The following UQCC1 variants were observed in gnomAD, a reference collection of about 807,000 sequenced individuals.
UQCC1 encodes the protein ubiquinol-cytochrome c reductase complex assembly factor 1, also known as bFGF-repressed Zic-binding protein.
Under a neutral mutation model 48.0 loss-of-function variants are expected in UQCC1, and 38 were observed. That is an observed-to-expected ratio of 0.79 (90% CI 0.61 to 1.04). UQCC1 has a LOEUF of 1.04. Among genes scored for constraint, UQCC1 ranks in the 50% least tolerant of loss-of-function variants. The pLI, the probability that UQCC1 is intolerant of heterozygous loss-of-function variation, is 0.00. For synonymous variants in UQCC1, 111 were observed against 129.2 expected, an observed-to-expected ratio of 0.86 and a Z score of 0.95; for missense variants, 368 against 381.8, an observed-to-expected ratio of 0.96 and a Z score of 0.30.
At chr20:35,389,298 G>A (rs1355740957) in intron 2 of UQCC1, among the ~76,000 whole-genome samples, 2 of 152,152 alleles carry the variant, frequency 1.3e-5, no homozygotes, top group East Asian at 3.9e-4. Context: ...TATAAGCCGG[G>A]TGCTTATAAT....
At chr20:35,361,724 TTC>T (rs1359528677) in intron 6 of UQCC1, among the ~76,000 whole-genome samples, 1 of 152,204 alleles carries the variant, frequency 6.6e-6, no homozygotes, top group Non-Finnish European at 1.5e-5. Flanking sequence ...TTTGGGAAAG[TTC>T]TCTGACTTCT....
chr20:35,309,707 G>C (rs986838427), intron 8 of UQCC1, among the ~76,000 whole-genome samples: 1 of 152,188 alleles, frequency 6.6e-6, no homozygotes, highest in South Asian at 2.1e-4. Context: ...TAGAGTAACT[G>C]AGAGGAAGCC....
chr20:35,376,468 A>C (rs1378353884), intron 4 of UQCC1, among the ~76,000 whole-genome samples: 1 of 152,242 alleles, frequency 6.6e-6, no homozygotes, highest in Non-Finnish European at 1.5e-5. Flanking sequence ...CCTATGAACA[A>C]CTTTACTCCA....
intron 7 of UQCC1, among the ~76,000 whole-genome samples, chr20:35,327,972 GC>G (rs1426602123): frequency 6.8e-6 from 1 of 147,628 alleles, no homozygotes; most frequent in Non-Finnish European, 1.5e-5. Flanking sequence ...CTGCAATCCA[GC>G]CGGGGCAACA....
chr20:35,388,958 C>T (rs1424009693), intron 2 of UQCC1, among the ~76,000 whole-genome samples: 7 of 151,788 alleles, frequency 4.6e-5, no homozygotes, highest in African/African-American at 1.7e-4. Context: ...CCCAGCTACT[C>T]GGGAGGCTGA....
chr20:35,305,985 A>C (rs2060924167), intron 9 of UQCC1, among the ~76,000 whole-genome samples: 1 of 152,206 alleles, frequency 6.6e-6, no homozygotes, highest in African/African-American at 2.4e-5. Context: ...CTTCGCTGCC[A>C]GTCAGCTCAC....
chr20:35,335,108 C>G (rs960101808), intron 7 of UQCC1, among the ~76,000 whole-genome samples: 2 of 152,130 alleles, frequency 1.3e-5, no homozygotes, highest in African/African-American at 4.8e-5. Context: ...TTCATTATAA[C>G]TAACACATAT....
rs549131703 is a variant in UQCC1 at position 35,302,612 on chromosome 20, G to A, written c.*1323C>T. The A allele has an allele frequency of 7.2e-5, 11 of 152,316 alleles. No individual in the cohort carries two copies. Among genetic ancestry groups the A allele is most frequent in the Admixed American group, 2.0e-4 (3 of 15,298 alleles). 9.4% of individuals were successfully genotyped at this position (152,316 alleles called of 1,614,324 possible). A position where few individuals can be genotyped will look rare whatever the true frequency, so the allele number is the denominator to read the frequency against. ...CACAGTAAAGTTTATTTTGGTGCAT[G>A]GTATACTTCACTCCATTAAAAATAA... On this transcript the variant is annotated 3_prime_UTR_variant, in exon 10 of 10. Transcript: ENST00000374385.
chr20:35,411,923 A>G lies in UQCC1; in HGVS notation c.24+17T>C. On this transcript the variant is annotated intron_variant, in intron 1 of 9. Coordinates refer to ENST00000374385, the MANE Select transcript of UQCC1 (RefSeq NM_018244.5). Reference sequence around the variant, plus strand: ...GGGACCCAGAGAGCTACCGTAGAAAATTACTCCTTCACTCACAAGGACTCG... The same window carrying G: ...GGGACCCAGAGAGCTACCGTAGAAAGTTACTCCTTCACTCACAAGGACTCG... 6.2e-7 allele frequency: 1 copy of G among 1,614,114 alleles called. No individual in the cohort carries two copies. Among genetic ancestry groups the G allele is most frequent in the Non-Finnish European group, 8.5e-7 (1 of 1,180,012 alleles).
At chr20:35,350,502 A>G (rs1433896860) in intron 6 of UQCC1, among the ~76,000 whole-genome samples, 17 of 143,198 alleles carry the variant, frequency 1.2e-4, no homozygotes, top group East Asian at 8.7e-4. Flanking sequence ...TTCGAGACCA[A>G]CCTGTCCAAC....
At chr20:35,345,515 T>C (rs987473227) in intron 7 of UQCC1, 8 of 152,132 alleles carry the variant, frequency 5.3e-5, no homozygotes, top group Non-Finnish European at 1.0e-4. Context: ...TTTTTCTCTA[T>C]ATTACACAGC....
chr20:35,372,184 T>C (rs921616232), intron 5 of UQCC1, among the ~76,000 whole-genome samples: 4 of 151,838 alleles, frequency 2.6e-5, no homozygotes, highest in African/African-American at 4.8e-5. Flanking sequence ...TGGTAGCACA[T>C]GCCTGTAATC....
chr20:35,367,092 T>TAAAAAAAAAA (rs72469122), intron 5 of UQCC1, among the ~76,000 whole-genome samples: 22 of 101,718 alleles, frequency 2.2e-4, no homozygotes, highest in Admixed American at 4.7e-4. Flanking sequence ...AGACTCTGTC[T>TAAAAAAAAAA]AAAAAAAAAA....
intron 6 of UQCC1, among the ~76,000 whole-genome samples, chr20:35,361,159 T>C (rs1218856358): frequency 6.6e-6 from 1 of 151,710 alleles, no homozygotes. Flanking sequence ...TCCCACCTCC[T>C]TTCATCATAT....
intron 7 of UQCC1, among the ~76,000 whole-genome samples, chr20:35,327,947 G>A (rs1253150094): frequency 2.6e-5 from 4 of 151,442 alleles, no homozygotes; most frequent in Non-Finnish European, 4.4e-5. Flanking sequence ...ATTGCAGTGA[G>A]GTGAGATTAC....
chr20:35,370,453 T>C (rs1281085425), intron 5 of UQCC1, among the ~76,000 whole-genome samples: 5 of 152,194 alleles, frequency 3.3e-5, no homozygotes, highest in Non-Finnish European at 7.3e-5. Context: ...ATCCAGAAGG[T>C]ATATTCCAGA....
chr20:35,404,147 C>T (rs1420922750), intron 1 of UQCC1, among the ~76,000 whole-genome samples: 2 of 151,820 alleles, frequency 1.3e-5, no homozygotes, highest in African/African-American at 4.8e-5. Context: ...TTTGGGAAGC[C>T]GAGGCGGGCG....
intron 7 of UQCC1, among the ~76,000 whole-genome samples, chr20:35,332,972 T>C (rs1240923967): frequency 1.3e-5 from 2 of 152,236 alleles, no homozygotes; most frequent in Non-Finnish European, 2.9e-5. Context: ...TATTATCTCA[T>C]TTAACATAAG....
At chr20:35,387,642 G>A (rs935443022) in intron 2 of UQCC1, among the ~76,000 whole-genome samples, 2 of 152,110 alleles carry the variant, frequency 1.3e-5, no homozygotes, top group African/African-American at 4.8e-5. Context: ...TTAGCTTGGA[G>A]AAAAGGCAAC....
Sources: gnomAD v4.1 joint callset for allele counts (sites outside exome capture counted in the v4.1 genomes callset) on GRCh38, gnomAD v4.1.1 for gene constraint, MANE v1.5 for transcripts, NCBI Gene and HGNC (gene_info 2026-07-23, HGNC 2026-07-21) for gene names.